The following TPD52L1 variants were observed in gnomAD, a reference collection of about 807,000 sequenced individuals.
The protein encoded by TPD52L1 is tumor protein D53.
A neutral mutation model predicts 28.7 loss-of-function variants in TPD52L1; 18 were observed. That is an observed-to-expected ratio of 0.63 (90% CI 0.43 to 0.93). TPD52L1 has a LOEUF of 0.93. TPD52L1 is among the 40% of genes least tolerant of loss of function. The pLI is 0.00. For missense variants in TPD52L1, 203 were observed against 254.8 expected, an observed-to-expected ratio of 0.80 and a Z score of 1.39; for synonymous variants, 75 against 88.8, an observed-to-expected ratio of 0.84 and a Z score of 0.88.
At chr6:125,179,070 C>T (rs962421718) in intron 1 of TPD52L1, among the ~76,000 whole-genome samples, 2 of 152,328 alleles carry the variant, frequency 1.3e-5, no homozygotes, top group Middle Eastern at 3.4e-3. Context: ...TTTGACACAG[C>T]CCTGAAGTCC....
chr6:125,161,345 G>A (rs543985860), intron 1 of TPD52L1, among the ~76,000 whole-genome samples: 30 of 152,254 alleles, frequency 2.0e-4, no homozygotes, highest in Non-Finnish European at 3.1e-4. Flanking sequence ...CTCCCTATCA[G>A]CAATTAGTCT....
At chr6:125,158,931 A>G (rs1055154789) in intron 1 of TPD52L1, among the ~76,000 whole-genome samples, 2 of 152,260 alleles carry the variant, frequency 1.3e-5, no homozygotes, top group African/African-American at 4.8e-5. Context: ...GAAAAGGTAC[A>G]TACCTTTATG....
intron 4 of TPD52L1, among the ~76,000 whole-genome samples, chr6:125,248,851 C>A (rs1485587574): frequency 6.6e-6 from 1 of 152,088 alleles, no homozygotes; most frequent in African/African-American, 2.4e-5. Flanking sequence ...CACATATACA[C>A]TTCTGGTAGT....
At chr6:125,175,265 A>T (rs991797649) in intron 1 of TPD52L1, among the ~76,000 whole-genome samples, 5 of 152,212 alleles carry the variant, frequency 3.3e-5, no homozygotes, top group Admixed American at 1.3e-4. Flanking sequence ...GAATAAATGA[A>T]TGAATAGTAT....
chr6:125,253,673 CTT>C, intron 4 of TPD52L1, 42 bp from the exon 5 acceptor site: 1 of 1,583,824 alleles, frequency 6.3e-7, no homozygotes, highest in African/African-American at 1.4e-5. Context: ...TGTGTGCTCT[CTT>C]CTTTTTTCTT....
intron 1 of TPD52L1, among the ~76,000 whole-genome samples, chr6:125,187,783 TAC>T (rs1554205144): frequency 2.6e-5 from 4 of 152,144 alleles, no homozygotes; most frequent in Non-Finnish European, 5.9e-5. Flanking sequence ...TGTACACACA[TAC>T]ACACACACAT....
At chr6:125,192,357 A>T (rs565297582) in intron 1 of TPD52L1, among the ~76,000 whole-genome samples, 220 of 151,618 alleles carry the variant, frequency 1.5e-3, no homozygotes, top group African/African-American at 5.0e-3. Context: ...CCTCAGCAGG[A>T]TCCCCGAATG....
At chr6:125,164,623 G>A (rs1046124300) in intron 1 of TPD52L1, among the ~76,000 whole-genome samples, 1 of 152,088 alleles carries the variant, frequency 6.6e-6, no homozygotes, top group African/African-American at 2.4e-5. Context: ...AAAAAAGAAA[G>A]CATTTTATTG....
intron 1 of TPD52L1, among the ~76,000 whole-genome samples, chr6:125,185,825 A>G (rs1002504418): frequency 5.3e-5 from 8 of 152,128 alleles, no homozygotes; most frequent in African/African-American, 1.7e-4. Context: ...ATGAGAAAAC[A>G]AACATAACCA....
At chr6:125,226,255 T>C (rs79444785) in intron 2 of TPD52L1, among the ~76,000 whole-genome samples, 6,634 of 152,312 alleles carry the variant, frequency 0.044, 164 homozygotes, top group East Asian at 0.079. Flanking sequence ...CTTAAATAGC[T>C]GACTTCATGT....
chr6:125,202,900 G>A (rs561633845), intron 1 of TPD52L1, among the ~76,000 whole-genome samples: 27 of 151,460 alleles, frequency 1.8e-4, no homozygotes, highest in African/African-American at 6.5e-4. Context: ...TGAGTAGCTG[G>A]GATTACAGGC....
At chr6:125,203,916 A>G in intron 1 of TPD52L1, 1 of 479,870 alleles carries the variant, frequency 2.1e-6, no homozygotes, top group Non-Finnish European at 2.7e-6. Context: ...GCTGTCTTTT[A>G]CTGATATATT....
rs200141637 is a variant in TPD52L1, at chr6:125,211,304, TATC to T, written c.20-8773_20-8771del. 8.7e-3 allele frequency among the ~76,000 whole-genome samples: 1,288 copies of T among 148,042 alleles called. 15 individuals are homozygous for T. The highest frequency in any genetic ancestry group is 0.024 in the African/African-American group (950 of 39,204). On this transcript the variant is annotated intron_variant, in intron 1 of 6. Coordinates refer to ENST00000534000, the MANE Select transcript of TPD52L1 (RefSeq NM_003287.4). Reference sequence around the variant, plus strand: ...CTATCTATCTATCTATCTATCTATCTATCGTGTAACACATATGTTAAAGATGTA... The same window carrying T: ...CTATCTATCTATCTATCTATCTATCTGTGTAACACATATGTTAAAGATGTA...
intron 2 of TPD52L1, among the ~76,000 whole-genome samples, chr6:125,224,582 G>T (rs949143534): frequency 1.3e-5 from 2 of 151,528 alleles, no homozygotes; most frequent in Non-Finnish European, 2.9e-5. Flanking sequence ...TTATTGTTTT[G>T]CACCTCTTAG....
intron 2 of TPD52L1, among the ~76,000 whole-genome samples, chr6:125,226,077 C>A (rs774399004): frequency 7.9e-5 from 12 of 152,162 alleles, no homozygotes; most frequent in Non-Finnish European, 1.8e-4. Flanking sequence ...CTTTTGGAAC[C>A]TTACACGTTA....
chr6:125,247,534 C>A (rs1489183330), intron 3 of TPD52L1, among the ~76,000 whole-genome samples: 1 of 152,134 alleles, frequency 6.6e-6, no homozygotes, highest in Non-Finnish European at 1.5e-5. Context: ...CCTAGTGCCA[C>A]TACTCCCAGT....
At chr6:125,181,483 C>G (rs1207822354) in intron 1 of TPD52L1, among the ~76,000 whole-genome samples, 1 of 152,126 alleles carries the variant, frequency 6.6e-6, no homozygotes. Flanking sequence ...ATAGAGGAAA[C>G]AAAACTGAGA....
In TPD52L1 at chr6:125,252,751, G is replaced by A. The variant is rs923996523; in HGVS notation, c.387-966G>A. 3.9e-5 allele frequency: 6 copies of A among 152,244 alleles called. No individual in the cohort carries two copies. In the East Asian group the frequency reaches 5.8e-4, roughly 15 times the overall value. 9.4% of individuals were successfully genotyped at this position (152,244 alleles called of 1,614,324 possible). A position where few individuals can be genotyped will look rare whatever the true frequency, so the allele number is the denominator to read the frequency against. ...TTTCTGAGGAAATATCTGCCTAATA[G>A]TTTCTAAATCAAGTGTCTAGGGTAA... On this transcript the variant is annotated intron_variant, in intron 4 of 6. Coordinates refer to ENST00000534000, the MANE Select transcript of TPD52L1 (RefSeq NM_003287.4).
chr6:125,153,834 C>A lies in TPD52L1; in HGVS notation c.-118C>A. On this transcript the variant is annotated 5_prime_UTR_variant, in exon 1 of 7. Coordinates refer to ENST00000534000, the MANE Select transcript of TPD52L1 (RefSeq NM_003287.4). Reference sequence around the variant, plus strand: ...CCCTCCGCGCAGCGCTCGCGACACGCGTGCCAGGAGTGGGAGCGAGCGGCG... The same window carrying A: ...CCCTCCGCGCAGCGCTCGCGACACGAGTGCCAGGAGTGGGAGCGAGCGGCG... The A allele has an allele frequency of 8.3e-7, 1 of 1,200,888 alleles. No individual in the cohort carries two copies. Among genetic ancestry groups the A allele is most frequent in the Non-Finnish European group, 1.1e-6 (1 of 886,948 alleles). The allele number at this position is 1,200,888 out of a possible 1,614,324, so 74.4% of individuals were successfully genotyped here.
Sources: allele counts gnomAD v4.1 joint callset (sites outside exome capture counted in the v4.1 genomes callset), GRCh38; gene constraint gnomAD v4.1.1; transcripts MANE v1.5; gene names NCBI Gene and HGNC (gene_info 2026-07-23, HGNC 2026-07-21).